The following PRKAG2 variants were observed in gnomAD, a reference collection of about 807,000 sequenced individuals.
The protein encoded by PRKAG2 is protein kinase AMP-activated non-catalytic subunit gamma 2, also known as 5'-AMP-activated protein kinase subunit gamma-2.
A neutral mutation model predicts 69.6 loss-of-function variants in PRKAG2; 26 were observed. The observed-to-expected ratio is 0.37, with a 90% CI of 0.27 to 0.52. The LOEUF (loss-of-function observed/expected upper bound fraction) is 0.52. Ranked by LOEUF, PRKAG2 falls within the 20% of genes least tolerant of loss-of-function variation. The probability of loss-of-function intolerance (pLI) is 0.90; values close to 1 mark genes in which losing one functional copy is unlikely to be tolerated. For missense variants in PRKAG2, 557 were observed against 740.0 expected (o/e 0.75, Z 2.87); for synonymous variants, 293 against 285.0 (o/e 1.03, Z -0.28).
At chr7:151,733,497 A>C (rs1799282810) in intron 3 of PRKAG2, among the ~76,000 whole-genome samples, 1 of 152,240 alleles carries the variant, frequency 6.6e-6, no homozygotes, top group Admixed American at 6.5e-5. Context: ...ATAGGCTCTT[A>C]ATAATGGGCC....
intron 1 of PRKAG2, among the ~76,000 whole-genome samples, chr7:151,874,162 TATGTATATG>T (rs1395247148): frequency 7.3e-6 from 1 of 136,436 alleles, no homozygotes; most frequent in Non-Finnish European, 1.5e-5. Context: ...ATATGATGTA[TATGTATATG>T]ATGTATATGT....
At chr7:151,579,768 A>G (rs891306349) in intron 6 of PRKAG2, among the ~76,000 whole-genome samples, 1 of 152,184 alleles carries the variant, frequency 6.6e-6, no homozygotes, top group South Asian at 2.1e-4. Context: ...CGTCATAGAC[A>G]AGATGCTAAA....
intron 3 of PRKAG2, among the ~76,000 whole-genome samples, chr7:151,676,541 C>T (rs926815361): frequency 1.3e-5 from 2 of 152,180 alleles, no homozygotes; most frequent in Non-Finnish European, 2.9e-5. Context: ...AGGTTCTCCA[C>T]TTTGACTTAT....
intron 1 of PRKAG2, among the ~76,000 whole-genome samples, chr7:151,815,559 C>T (rs1169238741): frequency 2.0e-5 from 3 of 152,192 alleles, no homozygotes; most frequent in African/African-American, 7.2e-5. Context: ...AAGTCTCTTG[C>T]CTGCATCTCC....
rs1586005725 is a variant in PRKAG2, at chr7:151,715,633, A to C, written c.467-39996T>G. 5.3e-5 allele frequency among the ~76,000 whole-genome samples: 8 copies of C among 152,262 alleles called. No homozygotes were observed. The South Asian group carries it at 1.7e-3, about 32-fold the overall frequency. On this transcript the variant is annotated intron_variant, in intron 3 of 15. Transcript: ENST00000287878. ...GGCCTCCCAAAGTGCTGCGATTACA[A>C]GCGTGAGCCACCGTGCCTGGCCAAA...
At chr7:151,745,277 C>T (rs1486949034) in intron 3 of PRKAG2, among the ~76,000 whole-genome samples, 1 of 152,336 alleles carries the variant, frequency 6.6e-6, no homozygotes, top group East Asian at 1.9e-4. Context: ...CGCCGGGGAG[C>T]AGCAACACGC....
At chr7:151,822,343 G>A (rs2078805451) in intron 1 of PRKAG2, among the ~76,000 whole-genome samples, 2 of 151,992 alleles carry the variant, frequency 1.3e-5, no homozygotes, top group Admixed American at 6.6e-5. Context: ...AGGGTCAAGG[G>A]CGGGGGGTGA....
chr7:151,607,569 C>T (rs1269149835), intron 5 of PRKAG2, among the ~76,000 whole-genome samples: 2 of 152,022 alleles, frequency 1.3e-5, no homozygotes, highest in Admixed American at 6.6e-5. Flanking sequence ...CCTGGCTGCT[C>T]GTGTCCTCCC....
intron 1 of PRKAG2, among the ~76,000 whole-genome samples, chr7:151,797,177 C>T (rs2077591818): frequency 1.3e-5 from 2 of 152,142 alleles, no homozygotes; most frequent in South Asian, 2.1e-4. Context: ...TGCAGAGGCC[C>T]AAATGGCCCT....
At chr7:151,851,695 C>A (rs2079572424) in intron 1 of PRKAG2, among the ~76,000 whole-genome samples, 1 of 152,212 alleles carries the variant, frequency 6.6e-6, no homozygotes, top group South Asian at 2.1e-4. Flanking sequence ...ACTCTGCATG[C>A]TGGTGAGCTC....
At position 151,835,485 on chromosome 7, in the gene PRKAG2, C is replaced by T. The variant is rs966071339; in HGVS notation, c.114+41022G>A. ...CTGGGATTACAGGCATTAACCACCA[C>T]ACTCGACACCCTTAGAAAGTTTTCA... On this transcript the variant is annotated intron_variant, in intron 1 of 15. Transcript: ENST00000287878. This position sits in a 1 kb window ranked among gnomAD's most constrained non-coding sequence, Gnocchi z 4.1. Among the ~76,000 whole-genome samples the T allele has an allele frequency of 6.6e-6, 1 of 152,180 alleles. No individual in the cohort carries two copies. Among genetic ancestry groups the T allele is most frequent in the Non-Finnish European group, 1.5e-5 (1 of 68,034 alleles).
At chr7:151,704,061 C>CA (rs555720776) in intron 3 of PRKAG2, among the ~76,000 whole-genome samples, 2,014 of 140,464 alleles carry the variant, frequency 0.014, 36 homozygotes, top group African/African-American at 0.047. Context: ...GACTCTGTCT[C>CA]AAAAAAAAAA....
Position 151,756,893 on chromosome 7 carries a change from G to C in PRKAG2, c.466+24259C>G, listed in dbSNP as rs1019260534. Among the ~76,000 whole-genome samples the C allele has an allele frequency of 6.6e-6, 1 of 151,902 alleles. No individual in the cohort carries two copies. The highest frequency in any genetic ancestry group is 1.5e-5 in the Non-Finnish European group (1 of 68,024). On this transcript the variant is annotated intron_variant, in intron 3 of 15. Coordinates refer to ENST00000287878, the MANE Select transcript of PRKAG2 (RefSeq NM_016203.4). This position sits in a 1 kb window ranked among gnomAD's most constrained non-coding sequence, Gnocchi z 4.9. Reference sequence around the variant, plus strand: ...AGTAACCCTCTTCCAGGTAGGACCCGGGCTGACAGCTGAGCTAGGGCCATC... The same window carrying C: ...AGTAACCCTCTTCCAGGTAGGACCCCGGCTGACAGCTGAGCTAGGGCCATC...
chr7:151,776,689 C>G (rs1307577938), intron 3 of PRKAG2, among the ~76,000 whole-genome samples: 2 of 152,264 alleles, frequency 1.3e-5, no homozygotes, highest in African/African-American at 4.8e-5. Flanking sequence ...ACAGACCACA[C>G]TCAGGCCTGG....
At chr7:151,726,442 C>T (rs1563532740) in intron 3 of PRKAG2, among the ~76,000 whole-genome samples, 1 of 151,610 alleles carries the variant, frequency 6.6e-6, no homozygotes, top group Non-Finnish European at 1.5e-5. Context: ...TTTACTATGG[C>T]TGCGTGCGTA....
intron 5 of PRKAG2, among the ~76,000 whole-genome samples, chr7:151,627,712 G>A (rs950421705): frequency 6.6e-6 from 1 of 152,186 alleles, no homozygotes; most frequent in Non-Finnish European, 1.5e-5. Flanking sequence ...GTTTTTTGGA[G>A]ACATGAAATT....
chr7:151,722,182 T>C (rs1267991940), intron 3 of PRKAG2, among the ~76,000 whole-genome samples: 1 of 152,196 alleles, frequency 6.6e-6, no homozygotes, highest in Non-Finnish European at 1.5e-5. Flanking sequence ...AGACATTCTT[T>C]ACAATGCAGG....
chr7:151,661,475 T>A (rs936421211), intron 4 of PRKAG2, among the ~76,000 whole-genome samples: 1 of 152,202 alleles, frequency 6.6e-6, no homozygotes, highest in Non-Finnish European at 1.5e-5. Flanking sequence ...GAAGAGGAAA[T>A]CACGGGCAGA....
At chr7:151,798,917 C>A (rs1586588096) in intron 1 of PRKAG2, among the ~76,000 whole-genome samples, 1 of 152,118 alleles carries the variant, frequency 6.6e-6, no homozygotes, top group East Asian at 1.9e-4. Context: ...CTCTCACCAC[C>A]ACCCCCATCT....
Sources: allele counts gnomAD v4.1 joint callset (sites outside exome capture counted in the v4.1 genomes callset), GRCh38; gene constraint gnomAD v4.1.1; non-coding constraint Gnocchi (gnomAD v3.1); transcripts MANE v1.5; gene names NCBI Gene and HGNC (gene_info 2026-07-23, HGNC 2026-07-21).